Variants in NPRL3 observed in about 807,000 individuals in gnomAD.
The protein encoded by NPRL3 is NPR3 like, GATOR1 complex subunit, also known as GATOR1 complex protein NPRL3.
In NPRL3, 23 loss-of-function variants were observed where a neutral mutation model predicts 57.2. The ratio of observed to expected loss-of-function variants is 0.40; its 90% CI spans 0.29 to 0.57. The LOEUF (loss-of-function observed/expected upper bound fraction) is 0.57. NPRL3 is among the 20% of genes least tolerant of loss of function. NPRL3 has a pLI of 0.42. For missense variants in NPRL3, 691 were observed against 767.1 expected (o/e 0.90, Z 1.17); for synonymous variants, 333 against 321.1 (o/e 1.04, Z -0.39).
At chr16:126,639 G>C (rs1900533576) in intron 3 of NPRL3, among the ~76,000 whole-genome samples, 1 of 152,066 alleles carries the variant, frequency 6.6e-6, no homozygotes, top group South Asian at 2.1e-4. Flanking sequence ...AGGGACACCA[G>C]GCTATCTCTC....
At chr16:135,759 A>G (rs1596545110) in intron 2 of NPRL3, among the ~76,000 whole-genome samples, 1 of 152,184 alleles carries the variant, frequency 6.6e-6, no homozygotes, top group East Asian at 1.9e-4. Context: ...AAACTCCACA[A>G]AAATCAAAAC....
chr16:88,992 C>T (rs963424101), intron 12 of NPRL3, 102 bp from the exon 13 acceptor site: 1 of 1,052,328 alleles, frequency 9.5e-7, no homozygotes, highest in Admixed American at 2.1e-5. Context: ...ACCCCTAACT[C>T]CTACAAGGGT....
At chr16:127,879 T>A (rs1040535374) in intron 3 of NPRL3, among the ~76,000 whole-genome samples, 19 of 151,354 alleles carry the variant, frequency 1.3e-4, no homozygotes, top group East Asian at 1.2e-3. Context: ...TGAGTCTCGA[T>A]CTCCTGACCT....
intron 2 of NPRL3, among the ~76,000 whole-genome samples, chr16:133,885 G>T (rs1900929364): frequency 1.3e-5 from 2 of 152,112 alleles, no homozygotes; most frequent in Admixed American, 6.6e-5. Context: ...TTTCAATATT[G>T]TTGTGTCTAA....
chr16:117,220 A>T, intron 5 of NPRL3, 81 bp downstream of exon 5: 1 of 991,470 alleles, frequency 1.0e-6, no homozygotes, highest in Non-Finnish European at 1.5e-6. Flanking sequence ...GCTCCGAGTC[A>T]ATGACACGCT....
At chr16:95,869 C>T (rs1898983149) in intron 9 of NPRL3, among the ~76,000 whole-genome samples, 1 of 152,192 alleles carries the variant, frequency 6.6e-6, no homozygotes, top group Non-Finnish European at 1.5e-5. Flanking sequence ...TGCACCCAGC[C>T]ACATGAGGGA....
intron 4 of NPRL3, 42 bp downstream of exon 4, chr16:119,084 A>G (rs1567142632): frequency 1.2e-6 from 2 of 1,606,778 alleles, no homozygotes; most frequent in South Asian, 2.2e-5. Context: ...GGAGAGCCAC[A>G]TCTGCCCAGG....
At chr16:120,823 C>T (rs1900250306) in intron 3 of NPRL3, among the ~76,000 whole-genome samples, 1 of 152,194 alleles carries the variant, frequency 6.6e-6, no homozygotes, top group African/African-American at 2.4e-5. Flanking sequence ...TCTTCAAAAA[C>T]CCTAAATGGC....
Position 92,568 on chromosome 16 carries a change from CTG to C in NPRL3, c.1161+26_1161+27del, listed in dbSNP as rs758621488. The C allele has an allele frequency of 3.1e-6, 5 of 1,609,620 alleles. No homozygotes were observed. The African/African-American group carries it at 6.7e-5, about 22-fold the overall frequency. On this transcript the variant is annotated intron_variant, in intron 11 of 13. Transcript: ENST00000611875. ...GCCTATCCACTACACACCTGCCACTCTGGGCTCCTTGAGCTTCTGTGACTCAC... is the reference window on the plus strand; with the variant it reads ...GCCTATCCACTACACACCTGCCACTCGGCTCCTTGAGCTTCTGTGACTCAC...
At chr16:105,893 G>T (rs74916800) in intron 7 of NPRL3, among the ~76,000 whole-genome samples, 6,340 of 152,282 alleles carry the variant, frequency 0.042, 442 homozygotes, top group African/African-American at 0.14. Context: ...TGCTAGGTAT[G>T]GCACAAGTGT....
chr16:86,407 G>A lies in NPRL3; in HGVS notation c.*298C>T, dbSNP rs907757048. 3.0e-4 allele frequency: 122 copies of A among 404,824 alleles called. 2 individuals carry two copies. The highest frequency in any genetic ancestry group is 6.0e-5 in the Non-Finnish European group (13 of 218,280). The allele number at this position is 404,824 out of a possible 1,614,324, so 25.1% of individuals were successfully genotyped here. On this transcript the variant is annotated 3_prime_UTR_variant, in exon 14 of 14. Coordinates refer to ENST00000611875, the MANE Select transcript of NPRL3 (RefSeq NM_001077350.3). ...AGCCCACATGGGCCTTGAAGGATGCGGCCTCACCCAGAGACAGGAGTCCTG... is the reference window on the plus strand; with the variant it reads ...AGCCCACATGGGCCTTGAAGGATGCAGCCTCACCCAGAGACAGGAGTCCTG...
chr16:90,571 C>G (rs1418860251), intron 11 of NPRL3: 1 of 152,546 alleles, frequency 6.6e-6, no homozygotes, highest in Admixed American at 6.5e-5. Flanking sequence ...CAGTGAGGAG[C>G]CTTGTGCCAG....
chr16:93,007 G>A, intron 10 of NPRL3: 1 of 615,322 alleles, frequency 1.6e-6, no homozygotes, highest in Non-Finnish European at 2.9e-6. Flanking sequence ...CAGGCATATG[G>A]GGGACACAGG....
chr16:97,561 G>A (rs1407866544), intron 9 of NPRL3, among the ~76,000 whole-genome samples: 4 of 151,950 alleles, frequency 2.6e-5, no homozygotes, highest in South Asian at 2.1e-4. Context: ...AACCAGATCC[G>A]CAGACGAGGC....
intron 2 of NPRL3, among the ~76,000 whole-genome samples, chr16:133,929 T>C (rs1051682740): frequency 2.0e-5 from 3 of 152,338 alleles, no homozygotes; most frequent in African/African-American, 4.8e-5. Flanking sequence ...TGGAAACAGA[T>C]GGGCGAACAG....
At chr16:89,265 G>C (rs1039077391) in intron 12 of NPRL3, 9 of 279,424 alleles carry the variant, frequency 3.2e-5, no homozygotes, top group Admixed American at 2.9e-4. Flanking sequence ...CTCAGCCAAG[G>C]GGGGACTTTC....
At position 86,642 on chromosome 16, in the gene NPRL3, TGGGGTGGGGAGACG is replaced by T. The variant is rs1381604701; in HGVS notation, c.*49_*62del. On this transcript the variant is annotated 3_prime_UTR_variant, in exon 14 of 14. Transcript: ENST00000611875. ...CTCAGCCTCAGCACGGGGGGAGCCC[TGGGGTGGGGAGACG>T]CGAGCGCCCACCTGCGCACCCCAGC... The T allele has an allele frequency of 1.4e-6, 2 of 1,475,250 alleles. No individual in the cohort carries two copies. The highest frequency in any genetic ancestry group is 1.8e-6 in the Non-Finnish European group (2 of 1,099,378). 91.4% of individuals were successfully genotyped at this position (1,475,250 alleles called of 1,614,324 possible).
chr16:126,448 T>A (rs1199710913), intron 3 of NPRL3: 1 of 145,122 alleles, frequency 6.9e-6, no homozygotes, highest in Non-Finnish European at 1.5e-5. Context: ...TAATAATAAT[T>A]AATAATAATA....
intron 5 of NPRL3, among the ~76,000 whole-genome samples, chr16:114,696 A>C (rs959646167): frequency 6.6e-6 from 1 of 152,206 alleles, no homozygotes. Context: ...AGAAGCTTCA[A>C]TGGACCAGGT....
Sources: allele counts gnomAD v4.1 joint callset (sites outside exome capture counted in the v4.1 genomes callset), GRCh38; gene constraint gnomAD v4.1.1; transcripts MANE v1.5; gene names NCBI Gene and HGNC (gene_info 2026-07-23, HGNC 2026-07-21).